The following ALG9 variants were observed in gnomAD, a reference collection of about 807,000 sequenced individuals.
The protein encoded by ALG9 is ALG9 alpha-1,2-mannosyltransferase.
ALG9 carries 55 observed loss-of-function variants against 81.8 expected under a neutral mutation model. The ratio of observed to expected loss-of-function variants is 0.67; its 90% confidence interval spans 0.54 to 0.84. ALG9 has a LOEUF of 0.84. Ranked by LOEUF, ALG9 falls within the 40% of genes least tolerant of loss-of-function variation. The pLI is 0.00. For synonymous variants in ALG9, 278 were observed against 274.3 expected (o/e 1.01, Z -0.13); for missense variants, 629 against 745.0 (o/e 0.84, Z 1.81).
chr11:111,834,030 G>A (rs1168386068), intron 13 of ALG9, among the ~76,000 whole-genome samples: 8 of 152,174 alleles, frequency 5.3e-5, no homozygotes, highest in South Asian at 2.1e-4. Context: ...ACATGACACC[G>A]TCCTAGACAC....
rs782248933 is a variant in ALG9 at position 111,836,239 on chromosome 11, C to CA, written c.1527dup (p.Ala510CysfsTer13). The CA allele has an allele frequency of 6.2e-7, 1 of 1,614,020 alleles. No homozygotes were observed. The highest frequency in any genetic ancestry group is 8.5e-7 in the Non-Finnish European group (1 of 1,179,964). On this transcript the variant is annotated frameshift_variant, in exon 13 of 15. Transcript: ENST00000616540. LOFTEE classifies it high-confidence loss of function. ...ATCCGGGTGGCCAGAGGTCCTTCTG[C>CA]AAAAGGTTTTGGTAACTGACCTCTG...
At chr11:111,855,265 T>C (rs1555142332) in intron 6 of ALG9, among the ~76,000 whole-genome samples, 1 of 152,232 alleles carries the variant, frequency 6.6e-6, no homozygotes, top group Admixed American at 6.5e-5. Context: ...AAAAACTATT[T>C]AGTTGTTGGG....
chr11:111,809,345 C>T (rs1456098677), intron 14 of ALG9, among the ~76,000 whole-genome samples: 1 of 151,934 alleles, frequency 6.6e-6, no homozygotes, highest in Admixed American at 6.6e-5. Context: ...GCCTGGCCAA[C>T]ATGGTAAAAC....
chr11:111,864,237 C>T, intron 4 of ALG9: 4 of 867,932 alleles, frequency 4.6e-6, no homozygotes, highest in South Asian at 1.4e-5. Flanking sequence ...CGAACTGGCC[C>T]GGCCCTCACG....
At chr11:111,818,802 G>T (rs1951894469) in intron 13 of ALG9, among the ~76,000 whole-genome samples, 1 of 152,046 alleles carries the variant, frequency 6.6e-6, no homozygotes, top group African/African-American at 2.4e-5. Flanking sequence ...CTAAGTAAAT[G>T]TCTACTTAAC....
chr11:111,829,762 GT>G (rs1207165940), intron 13 of ALG9, among the ~76,000 whole-genome samples: 1 of 152,164 alleles, frequency 6.6e-6, no homozygotes, highest in Non-Finnish European at 1.5e-5. Context: ...CTTTGTCAGG[GT>G]TGCAGTCTTC....
chr11:111,785,209 C>T lies in ALG9; in HGVS notation c.*1188G>A, dbSNP rs1210736840. 1.3e-5 allele frequency: 2 copies of T among 152,296 alleles called. No individual in the cohort carries two copies. The highest frequency in any genetic ancestry group is 2.9e-5 in the Non-Finnish European group (2 of 68,084). 9.4% of individuals were successfully genotyped at this position (152,296 alleles called of 1,614,324 possible). On this transcript the variant is annotated 3_prime_UTR_variant, in exon 15 of 15. Coordinates refer to ENST00000616540, the MANE Select transcript of ALG9 (RefSeq NM_024740.2). Reference sequence around the variant, plus strand: ...ACTATCTTTACCTCCCCTCACTCCCCACCCGCAGCCTGTTTCCTTATCTGT... The same window carrying T: ...ACTATCTTTACCTCCCCTCACTCCCTACCCGCAGCCTGTTTCCTTATCTGT...
At chr11:111,813,949 C>G (rs1046378900) in intron 13 of ALG9, among the ~76,000 whole-genome samples, 1 of 152,114 alleles carries the variant, frequency 6.6e-6, no homozygotes, top group African/African-American at 2.4e-5. Flanking sequence ...CAATTCTACC[C>G]CTAATTATTA....
At chr11:111,860,771 C>A in intron 4 of ALG9, 136 bp from the exon 5 acceptor site, 1 of 668,098 alleles carries the variant, frequency 1.5e-6, no homozygotes. Flanking sequence ...GGTTTGTTAG[C>A]AATTCACTGT....
Position 111,871,558 on chromosome 11 carries a change from GGT to G in ALG9, c.-78_-77del. 6.5e-7 allele frequency: 1 copy of G among 1,532,866 alleles called. No homozygotes were observed. Among genetic ancestry groups the G allele is most frequent in the Non-Finnish European group, 8.7e-7 (1 of 1,145,104 alleles). 95.0% of individuals were successfully genotyped at this position (1,532,866 alleles called of 1,614,324 possible). ...GCAGACATAGCTTTGGCTGGCAAAC[GGT>G]GTCCGCCGAGGGACAAAAGACCTTG... On this transcript the variant is annotated 5_prime_UTR_variant, in exon 1 of 15. Transcript: ENST00000616540.
At position 111,840,815 on chromosome 11, in the gene ALG9, A is replaced by T. The variant is rs1956102858; in HGVS notation, c.1019-6T>A. On this transcript the variant is annotated splice_region_variant and splice_polypyrimidine_tract_variant and intron_variant, in intron 9 of 14. Transcript: ENST00000616540. ...CGGGTGGCCTAAATTCTGAACTGCA[A>T]GACACAGAAAAATACCCATCTTTCA... The T allele has an allele frequency of 6.2e-7, 1 of 1,613,976 alleles. No homozygotes were observed. Among genetic ancestry groups the T allele is most frequent in the African/African-American group, 1.3e-5 (1 of 74,942 alleles).
intron 13 of ALG9, among the ~76,000 whole-genome samples, chr11:111,819,234 T>G (rs1425237439): frequency 6.6e-6 from 1 of 152,252 alleles, no homozygotes; most frequent in Non-Finnish European, 1.5e-5. Flanking sequence ...TCTATCCAGC[T>G]GCCTGAGCCA....
chr11:111,807,100 A>G (rs1213667350), intron 14 of ALG9, among the ~76,000 whole-genome samples: 1 of 152,108 alleles, frequency 6.6e-6, no homozygotes, highest in Non-Finnish European at 1.5e-5. Flanking sequence ...CCCTGCTTCT[A>G]TTCTTACTTA....
chr11:111,813,412 A>G (rs1951022174), intron 13 of ALG9, among the ~76,000 whole-genome samples: 1 of 152,146 alleles, frequency 6.6e-6, no homozygotes, highest in Admixed American at 6.5e-5. Flanking sequence ...GATCAGCCTG[A>G]GCAAAATAGT....
At chr11:111,865,378 T>C (rs1247659581) in intron 3 of ALG9, 127 bp from the exon 4 acceptor site, 1 of 700,840 alleles carries the variant, frequency 1.4e-6, no homozygotes, top group Non-Finnish European at 2.4e-6. Context: ...AAAAGCAACA[T>C]GGATCAAGAA....
At position 111,838,238 on chromosome 11, in the gene ALG9, A is replaced by G; in HGVS notation, c.1324+11T>C. 1 of 1,614,006 alleles carries G rather than the reference A, an allele frequency of 6.2e-7. No homozygotes were observed. Among genetic ancestry groups the G allele is most frequent in the Non-Finnish European group, 8.5e-7 (1 of 1,179,886 alleles). On this transcript the variant is annotated intron_variant, in intron 11 of 14. Transcript: ENST00000616540. ...CGTCAGTGTAGGTTAAGATATTCTT[A>G]GAAGATCTACCTCTGAACAGTGCCA...
At chr11:111,860,709 G>A (rs1036447280) in intron 4 of ALG9, 74 bp from the exon 5 acceptor site, 24 of 1,126,878 alleles carry the variant, frequency 2.1e-5, no homozygotes, top group African/African-American at 1.4e-4. Flanking sequence ...AGAAAAACAC[G>A]TACCACAGAT....
chr11:111,824,641 C>A (rs1952933918), intron 13 of ALG9, among the ~76,000 whole-genome samples: 1 of 152,176 alleles, frequency 6.6e-6, no homozygotes, highest in Admixed American at 6.5e-5. Context: ...TCTTTTCCTA[C>A]CGTAATTTCT....
rs1555059090 is a variant in ALG9 at position 111,783,705 on chromosome 11, G to A, written c.*2692C>T. ...AAAATGTGTTTATAAAATATCACAT[G>A]AAAACACCTTCACAACAAAAAACAT... On this transcript the variant is annotated 3_prime_UTR_variant, in exon 15 of 15. Transcript: ENST00000616540. 2.0e-5 allele frequency: 3 copies of A among 152,044 alleles called. No individual in the cohort carries two copies. Among genetic ancestry groups the A allele is most frequent in the African/African-American group, 7.3e-5 (3 of 41,378 alleles). The allele number at this position is 152,044 out of a possible 1,614,324, so 9.4% of individuals were successfully genotyped here. A position where few individuals can be genotyped will look rare whatever the true frequency, so the allele number is the denominator to read the frequency against.
Sources: gnomAD v4.1 joint callset for allele counts (sites outside exome capture counted in the v4.1 genomes callset) on GRCh38, gnomAD v4.1.1 for gene constraint, MANE v1.5 for transcripts, NCBI Gene and HGNC (gene_info 2026-07-23, HGNC 2026-07-21) for gene names.